Variants in UGGT2 observed in about 807,000 individuals in gnomAD.
UGGT2 encodes UDP-glucose glycoprotein glucosyltransferase 2.
Under a neutral mutation model 192.1 loss-of-function variants are expected in UGGT2, and 180 were observed. The observed-to-expected ratio is 0.94, with a 90% CI of 0.83 to 1.06. The LOEUF (loss-of-function observed/expected upper bound fraction) is 1.06. Among genes scored for constraint, UGGT2 ranks in the 50% least tolerant of loss-of-function variants. The pLI is 0.00. For synonymous variants in UGGT2, 580 were observed against 591.0 expected (o/e 0.98, Z 0.27); for missense variants, 1,849 against 1,795.7 (o/e 1.03, Z -0.54).
Position 95,976,359 on chromosome 13 carries a change from T to C in UGGT2, c.1093-3688A>G, listed in dbSNP as rs1430282078. Reference sequence around the variant, plus strand: ...GCTTGAATCCATATTTTAGCTATTGTGAATAGTGTTTTAATAAACATGGCA... The same window carrying C: ...GCTTGAATCCATATTTTAGCTATTGCGAATAGTGTTTTAATAAACATGGCA... On this transcript the variant is annotated intron_variant, in intron 10 of 38. Coordinates refer to ENST00000376747, the MANE Select transcript of UGGT2 (RefSeq NM_020121.4). Among the ~76,000 whole-genome samples the C allele has an allele frequency of 4.6e-5, 7 of 152,328 alleles. No individual in the cohort carries two copies. In the East Asian group the frequency reaches 1.4e-3, roughly 29 times the overall value.
rs1398322299 is a variant in UGGT2, at chr13:95,909,608, G to A, written c.2296-6548C>T. 1.2e-4 allele frequency among the ~76,000 whole-genome samples: 13 copies of A among 107,870 alleles called. No homozygotes were observed. The Admixed American group carries it at 1.3e-3, about 11-fold the overall frequency. 70.8% of individuals were successfully genotyped at this position (107,870 alleles called of 152,430 possible). A position where few individuals can be genotyped will look rare whatever the true frequency, so the allele number is the denominator to read the frequency against. On this transcript the variant is annotated intron_variant, in intron 20 of 38. Transcript: ENST00000376747. ...CACATACTGGGGACTGTTGTGGGGT[G>A]GGGGGAGGGGGGAGGGATAGCATCG...
Position 95,837,151 on chromosome 13 carries a change from C to T in UGGT2, c.4336G>A (p.Asp1446Asn). 6.2e-7 allele frequency: 1 copy of T among 1,614,014 alleles called. No homozygotes were observed. Among genetic ancestry groups the T allele is most frequent in the African/African-American group, 1.3e-5 (1 of 75,034 alleles). ...CACCAGGTTTCACACCACAGCCAGT[C>T]TTGAGGAAGAGACTTAATGGCGACT... ...YQVAIKSLPQ[D>N]WLWCETWCDD... Residue 1446 changes from aspartate (D) to asparagine (N), a missense_variant, in exon 37 of 39, where the codon GAC (aspartate) becomes AAC (asparagine). Transcript: ENST00000376747.
At position 95,837,541 on chromosome 13, in the gene UGGT2, A is replaced by T. The variant is rs555163190; in HGVS notation, c.4285-339T>A. Among the ~76,000 whole-genome samples the T allele has an allele frequency of 6.2e-4, 94 of 152,264 alleles. No individual in the cohort carries two copies. In the Middle Eastern group the frequency reaches 0.024, roughly 39 times the overall value. On this transcript the variant is annotated intron_variant, in intron 36 of 38. Transcript: ENST00000376747. ...TATTGCTCACATTATGCCTGCAATT[A>T]CTGTTCATATTGGTCACCACAATGC...
intron 25 of UGGT2, among the ~76,000 whole-genome samples, chr13:95,889,174 A>G (rs1241292556): frequency 3.2e-5 from 2 of 63,382 alleles, no homozygotes; most frequent in African/African-American, 9.2e-5. Flanking sequence ...GGGATTTTGC[A>G]TACTAAAAAG....
At position 95,923,599 on chromosome 13, in the gene UGGT2, T is replaced by C. The variant is rs77374716; in HGVS notation, c.2295+2081A>G. Among the ~76,000 whole-genome samples the C allele has an allele frequency of 9.6e-3, 1,459 of 152,208 alleles. 31 individuals are homozygous for C. Among genetic ancestry groups the C allele is most frequent in the African/African-American group, 0.032 (1,319 of 41,518 alleles). On this transcript the variant is annotated intron_variant, in intron 20 of 38. Coordinates refer to ENST00000376747, the MANE Select transcript of UGGT2 (RefSeq NM_020121.4). ...ACTATTCTCAGAGGTAATAAAAAAA[T>C]AAGATAAGCTACACATTCAAAATTA...
At chr13:95,927,621 C>A (rs181574276) in intron 17 of UGGT2, among the ~76,000 whole-genome samples, 8 of 152,066 alleles carry the variant, frequency 5.3e-5, no homozygotes, top group African/African-American at 1.9e-4. Flanking sequence ...AATTAACTCA[C>A]TGAATTTTTT....
At chr13:95,915,529 A>G (rs2048655124) in intron 20 of UGGT2, among the ~76,000 whole-genome samples, 1 of 152,262 alleles carries the variant, frequency 6.6e-6, no homozygotes, top group Non-Finnish European at 1.5e-5. Context: ...AATAATAAAT[A>G]GATTATATAT....
chr13:96,034,093 C>A (rs933982090), intron 1 of UGGT2, among the ~76,000 whole-genome samples: 2 of 152,136 alleles, frequency 1.3e-5, no homozygotes, highest in African/African-American at 2.4e-5. Flanking sequence ...CCCTCTGAAG[C>A]CCATAAAAAC....
chr13:95,983,568 A>G (rs1345415980), intron 10 of UGGT2: 1 of 593,504 alleles, frequency 1.7e-6, no homozygotes, highest in Admixed American at 2.0e-5. Context: ...AGAAAACCAT[A>G]CTACCTCGGA....
At chr13:95,992,396 T>C (rs938675231) in intron 7 of UGGT2, among the ~76,000 whole-genome samples, 1 of 152,214 alleles carries the variant, frequency 6.6e-6, no homozygotes, top group African/African-American at 2.4e-5. Flanking sequence ...CTTGTGGAGA[T>C]GGTTCACCTC....
Position 95,894,667 on chromosome 13 carries a change from C to T in UGGT2, c.2760-10G>A, listed in dbSNP as rs758957617. 16 of 1,604,504 alleles carry T rather than the reference C, an allele frequency of 1.0e-5. No individual in the cohort carries two copies. The South Asian group carries it at 1.8e-4, about 18-fold the overall frequency. On this transcript the variant is annotated splice_polypyrimidine_tract_variant and intron_variant, in intron 23 of 38. Transcript: ENST00000376747. ...AATAAAGTCACTCATGCTAGATAAA[C>T]AAGACAAACAGTGTATGAGTTTTTT...
Position 95,990,052 on chromosome 13 carries a change from T to C in UGGT2, c.852A>G (p.Arg284=). ...GKLKEIYSDL[R]DNLTAFQKYL... ...ATTTTTGGAATGCTGTCAGATTATCTCTAAGATCTGAATATATTTCTCTGC... is the reference window on the plus strand; with the variant it reads ...ATTTTTGGAATGCTGTCAGATTATCCCTAAGATCTGAATATATTTCTCTGC... The change falls in exon 8 of 39, where the codon AGA becomes AGG. Residue 284 remains arginine (R), a synonymous_variant. Coordinates refer to ENST00000376747, the MANE Select transcript of UGGT2 (RefSeq NM_020121.4). The C allele has an allele frequency of 6.2e-7, 1 of 1,601,640 alleles. No individual in the cohort carries two copies. The highest frequency in any genetic ancestry group is 8.5e-7 in the Non-Finnish European group (1 of 1,173,638).
At chr13:95,803,036 G>A (rs546229639) in intron 38 of UGGT2, among the ~76,000 whole-genome samples, 24 of 151,484 alleles carry the variant, frequency 1.6e-4, no homozygotes, top group Non-Finnish European at 3.1e-4. Flanking sequence ...GGGTTTCACC[G>A]TGTTAGCCAG....
intron 17 of UGGT2, 130 bp from the exon 18 acceptor site, chr13:95,927,466 C>CTTT (rs1566709199): frequency 8.5e-6 from 5 of 590,682 alleles, no homozygotes; most frequent in African/African-American, 6.4e-5. Flanking sequence ...AATACATTTT[C>CTTT]TTTCTTTTTT....
At chr13:96,020,752 T>C (rs1594587848) in intron 4 of UGGT2, among the ~76,000 whole-genome samples, 1 of 152,274 alleles carries the variant, frequency 6.6e-6, no homozygotes, top group Non-Finnish European at 1.5e-5. Flanking sequence ...GAACTTCCTC[T>C]TCCAGAAGCT....
intron 20 of UGGT2, among the ~76,000 whole-genome samples, chr13:95,914,567 G>A (rs1252050747): frequency 7.0e-6 from 1 of 143,612 alleles, no homozygotes; most frequent in East Asian, 2.2e-4. Context: ...CTGAGGTGAG[G>A]AGTTCGAGAC....
At chr13:96,027,682 T>C (rs2052710866) in intron 2 of UGGT2, among the ~76,000 whole-genome samples, 1 of 152,148 alleles carries the variant, frequency 6.6e-6, no homozygotes, top group Admixed American at 6.5e-5. Context: ...TGGGGGTGGT[T>C]GGAGACTGGG....
At chr13:95,821,196 A>C (rs2139797214) in intron 38 of UGGT2, among the ~76,000 whole-genome samples, 1 of 152,250 alleles carries the variant, frequency 6.6e-6, no homozygotes, top group Admixed American at 6.5e-5. Context: ...ACTAATATAC[A>C]GTCCCAACAG....
chr13:95,877,407 A>G, intron 28 of UGGT2, 43 bp from the exon 29 acceptor site: 1 of 1,474,176 alleles, frequency 6.8e-7, no homozygotes, highest in Non-Finnish European at 9.3e-7. Flanking sequence ...AATATGACTA[A>G]AAACCATCGA....
Sources: gnomAD v4.1 joint callset for allele counts (sites outside exome capture counted in the v4.1 genomes callset) on GRCh38, gnomAD v4.1.1 for gene constraint, MANE v1.5 for transcripts, NCBI Gene and HGNC (gene_info 2026-07-23, HGNC 2026-07-21) for gene names.